Variants in PCDH9 observed in about 807,000 individuals in gnomAD.
The protein encoded by PCDH9 is protocadherin-9.
A neutral mutation model predicts 70.6 loss-of-function variants in PCDH9; 24 were observed. The observed-to-expected ratio is 0.34, with a 90% CI of 0.25 to 0.48. The LOEUF (loss-of-function observed/expected upper bound fraction) is 0.48, where lower values mean the gene tolerates loss of function less well. PCDH9 is among the 20% of genes least tolerant of loss of function. The pLI is 0.99. For synonymous variants in PCDH9, 562 were observed against 558.5 expected (o/e 1.01, Z -0.09); for missense variants, 1,281 against 1,503.6 (o/e 0.85, Z 2.45).
intron 4 of PCDH9, among the ~76,000 whole-genome samples, chr13:66,395,826 T>C (rs1230076597): frequency 6.6e-6 from 1 of 152,160 alleles, no homozygotes; most frequent in African/African-American, 2.4e-5. Flanking sequence ...AATGCTCTTA[T>C]AGTATCTTTT....
intron 3 of PCDH9, among the ~76,000 whole-genome samples, chr13:66,748,227 T>C (rs1381755518): frequency 6.6e-6 from 1 of 152,212 alleles, no homozygotes; most frequent in Admixed American, 6.5e-5. Context: ...CCAAAATCAA[T>C]AGCAATAGTT....
At chr13:66,737,772 A>G (rs532149318) in intron 3 of PCDH9, among the ~76,000 whole-genome samples, 22 of 152,284 alleles carry the variant, frequency 1.4e-4, no homozygotes, top group African/African-American at 5.3e-4. Context: ...CCACCCGAAT[A>G]TTGCGCTTTT....
chr13:66,512,227 A>G (rs970190532), intron 4 of PCDH9, among the ~76,000 whole-genome samples: 1 of 150,786 alleles, frequency 6.6e-6, no homozygotes, highest in African/African-American at 2.4e-5. Context: ...GTAGAGAAAC[A>G]TATTATACAA....
At chr13:66,437,368 G>A (rs1957888807) in intron 4 of PCDH9, among the ~76,000 whole-genome samples, 2 of 114,360 alleles carry the variant, frequency 1.7e-5, no homozygotes, top group Admixed American at 1.4e-4. Context: ...TCGCTCCACC[G>A]CACTCCAGCC....
chr13:66,342,728 G>A (rs1263641766), intron 4 of PCDH9, among the ~76,000 whole-genome samples: 1 of 152,078 alleles, frequency 6.6e-6, no homozygotes, highest in Non-Finnish European at 1.5e-5. Context: ...TCCCTTCTCA[G>A]CTTCCCGAGT....
At chr13:66,501,258 A>C (rs1959175812) in intron 4 of PCDH9, among the ~76,000 whole-genome samples, 1 of 152,024 alleles carries the variant, frequency 6.6e-6, no homozygotes. Context: ...TGTGAGGGGA[A>C]TTTCTCCTTC....
At chr13:66,614,930 A>T (rs2138881528) in intron 4 of PCDH9, among the ~76,000 whole-genome samples, 1 of 152,346 alleles carries the variant, frequency 6.6e-6, no homozygotes, top group South Asian at 2.1e-4. Context: ...CTAGCAACTT[A>T]GAACTTTTTA....
intron 2 of PCDH9, chr13:67,209,406 A>C (rs968594839): frequency 2.0e-5 from 3 of 152,134 alleles, no homozygotes; most frequent in African/African-American, 7.2e-5. Flanking sequence ...CTTGCATCCA[A>C]AATGTGGCAT....
intron 3 of PCDH9, among the ~76,000 whole-genome samples, chr13:66,842,958 T>C (rs1320785923): frequency 6.6e-6 from 1 of 152,188 alleles, no homozygotes; most frequent in Non-Finnish European, 1.5e-5. Flanking sequence ...AAGGGCTCTG[T>C]ATGACAGGCA....
At chr13:66,417,784 G>T (rs1176401343) in intron 4 of PCDH9, among the ~76,000 whole-genome samples, 1 of 152,108 alleles carries the variant, frequency 6.6e-6, no homozygotes, top group African/African-American at 2.4e-5. Context: ...ACATATGTTT[G>T]TTGGCCGCAT....
chr13:66,862,871 T>A (rs2081507325), intron 3 of PCDH9, among the ~76,000 whole-genome samples: 1 of 152,128 alleles, frequency 6.6e-6, no homozygotes, highest in Admixed American at 6.5e-5. Context: ...TAATTTTTTT[T>A]AATAACAAAA....
chr13:66,709,689 AAT>A lies in PCDH9; in HGVS notation c.3139-78280_3139-78279del, dbSNP rs1358852315. 2.0e-5 allele frequency among the ~76,000 whole-genome samples: 3 copies of A among 152,352 alleles called. No homozygotes were observed. In the South Asian group the frequency reaches 6.2e-4, roughly 32 times the overall value. On this transcript the variant is annotated intron_variant, in intron 3 of 4. Coordinates refer to ENST00000377865, the MANE Select transcript of PCDH9 (RefSeq NM_203487.3). ...GCCTTTGAACAATAATTTTAAAATA[AAT>A]ATGTTTGTAACATGGGAATCATATG...
chr13:67,143,681 T>A (rs1701539288), intron 2 of PCDH9, among the ~76,000 whole-genome samples: 1 of 151,958 alleles, frequency 6.6e-6, no homozygotes, highest in Non-Finnish European at 1.5e-5. Context: ...TATAGGAAAG[T>A]CACAAAAATC....
At chr13:66,659,876 T>C (rs936878337) in intron 3 of PCDH9, among the ~76,000 whole-genome samples, 1 of 152,126 alleles carries the variant, frequency 6.6e-6, no homozygotes, top group African/African-American at 2.4e-5. Flanking sequence ...TAGTGAAGTA[T>C]AACAAGTTAA....
chr13:66,883,170 A>G (rs2081949394), intron 3 of PCDH9, among the ~76,000 whole-genome samples: 1 of 152,090 alleles, frequency 6.6e-6, no homozygotes, highest in Non-Finnish European at 1.5e-5. Flanking sequence ...ATATATATCT[A>G]CATCACCTCT....
chr13:67,175,578 T>C (rs2088427315), intron 2 of PCDH9, among the ~76,000 whole-genome samples: 1 of 152,148 alleles, frequency 6.6e-6, no homozygotes, highest in South Asian at 2.1e-4. Context: ...ACCTCACACT[T>C]GCTTACTGTA....
At chr13:66,819,617 T>G (rs2080674091) in intron 3 of PCDH9, among the ~76,000 whole-genome samples, 1 of 152,194 alleles carries the variant, frequency 6.6e-6, no homozygotes, top group African/African-American at 2.4e-5. Flanking sequence ...TGACCAGGCA[T>G]AGTGGCTCAC....
chr13:66,587,485 T>C (rs981309637), intron 4 of PCDH9, among the ~76,000 whole-genome samples: 5 of 152,128 alleles, frequency 3.3e-5, no homozygotes, highest in African/African-American at 1.2e-4. Context: ...GTGTTAGCAC[T>C]CTAAAGGTAA....
chr13:66,896,054 G>A (rs2139579592), intron 3 of PCDH9, among the ~76,000 whole-genome samples: 1 of 152,268 alleles, frequency 6.6e-6, no homozygotes, highest in South Asian at 2.1e-4. Context: ...GACCAACACT[G>A]ACACCATCAG....
Sources: gnomAD v4.1 joint callset for allele counts (sites outside exome capture counted in the v4.1 genomes callset) on GRCh38, gnomAD v4.1.1 for gene constraint, MANE v1.5 for transcripts, NCBI Gene and HGNC (gene_info 2026-07-23, HGNC 2026-07-21) for gene names.